MLLT3: variants seen among roughly 807,000 people sequenced by gnomAD.
MLLT3 encodes the protein protein AF-9.
A neutral mutation model predicts 53.2 loss-of-function variants in MLLT3; 4 were observed. The observed-to-expected ratio is 0.08, with a 90% CI of 0.04 to 0.17. The LOEUF (loss-of-function observed/expected upper bound fraction) is 0.17, where lower values mean the gene tolerates loss of function less well. MLLT3 is among the 10% of genes least tolerant of loss of function. The pLI is 1.00. For missense variants in MLLT3, 569 were observed against 684.0 expected, an observed-to-expected ratio of 0.83 and a Z score of 1.87; for synonymous variants, 283 against 230.6, an observed-to-expected ratio of 1.23 and a Z score of -2.06.
chr9:20,444,420 C>T (rs1010864767), intron 4 of MLLT3, among the ~76,000 whole-genome samples: 3 of 152,092 alleles, frequency 2.0e-5, no homozygotes, highest in African/African-American at 7.2e-5. Flanking sequence ...TGCTCTCTTC[C>T]CTCTACCAAT....
intron 2 of MLLT3, among the ~76,000 whole-genome samples, chr9:20,461,287 A>G (rs1401013167): frequency 6.6e-6 from 1 of 152,232 alleles, no homozygotes; most frequent in Non-Finnish European, 1.5e-5. Flanking sequence ...AATATGTAGT[A>G]TGATGCTAAC....
chr9:20,516,557 A>C (rs529982086), intron 2 of MLLT3, among the ~76,000 whole-genome samples: 1 of 152,350 alleles, frequency 6.6e-6, no homozygotes, highest in Admixed American at 6.5e-5. Context: ...TAATACTATA[A>C]AGTTTATTTG....
At chr9:20,540,263 C>G (rs1226801090) in intron 2 of MLLT3, among the ~76,000 whole-genome samples, 1 of 152,224 alleles carries the variant, frequency 6.6e-6, no homozygotes, top group East Asian at 1.9e-4. Flanking sequence ...TGGCCCTCTT[C>G]TCACAGCTCC....
chr9:20,456,798 A>C lies in MLLT3; in HGVS notation c.194-12T>G. On this transcript the variant is annotated splice_polypyrimidine_tract_variant and intron_variant, in intron 2 of 10. Coordinates refer to ENST00000380338, the MANE Select transcript of MLLT3 (RefSeq NM_004529.4). ...TGGATCTTTGCACACTGCAACATTA[A>C]AAAAGAAAATAGGTAAGATGAGAAT... 1 of 1,547,688 alleles carries C rather than the reference A, an allele frequency of 6.5e-7. No homozygotes were observed. Among genetic ancestry groups the C allele is most frequent in the Non-Finnish European group, 8.7e-7 (1 of 1,144,598 alleles).
intron 2 of MLLT3, among the ~76,000 whole-genome samples, chr9:20,594,842 CT>C (rs1820215682): frequency 6.6e-6 from 1 of 152,158 alleles, no homozygotes; most frequent in South Asian, 2.1e-4. Flanking sequence ...GGAAGTTCCC[CT>C]GTATGGTCCA....
chr9:20,473,670 G>A (rs1824451693), intron 2 of MLLT3, among the ~76,000 whole-genome samples: 1 of 151,798 alleles, frequency 6.6e-6, no homozygotes, highest in Admixed American at 6.6e-5. Flanking sequence ...TTTCCCATAA[G>A]AACTGTCAAG....
intron 2 of MLLT3, among the ~76,000 whole-genome samples, chr9:20,483,874 AT>A (rs11406341): frequency 5.4e-5 from 8 of 147,540 alleles, no homozygotes; most frequent in Non-Finnish European, 1.0e-4. Flanking sequence ...CGCAAGTCTA[AT>A]TTTTTTTTTG....
At chr9:20,500,055 T>A (rs570833588) in intron 2 of MLLT3, among the ~76,000 whole-genome samples, 6 of 152,342 alleles carry the variant, frequency 3.9e-5, no homozygotes, top group African/African-American at 1.2e-4. Flanking sequence ...TATCTATTGA[T>A]ACATAATAAG....
intron 5 of MLLT3, among the ~76,000 whole-genome samples, chr9:20,377,649 C>A (rs1821801843): frequency 6.6e-6 from 1 of 152,104 alleles, no homozygotes; most frequent in South Asian, 2.1e-4. Flanking sequence ...ATAATCTTTA[C>A]AGATTTACAC....
At chr9:20,510,204 G>T (rs759928987) in intron 2 of MLLT3, among the ~76,000 whole-genome samples, 6 of 152,132 alleles carry the variant, frequency 3.9e-5, no homozygotes, top group Non-Finnish European at 8.8e-5. Context: ...AACTTGATAA[G>T]CAAAAAGAAT....
At chr9:20,576,508 C>T (rs547088220) in intron 2 of MLLT3, among the ~76,000 whole-genome samples, 2 of 152,118 alleles carry the variant, frequency 1.3e-5, no homozygotes, top group South Asian at 4.2e-4. Flanking sequence ...GTGTAATTGG[C>T]TTAATTTCAA....
intron 5 of MLLT3, among the ~76,000 whole-genome samples, chr9:20,379,028 C>T (rs946220962): frequency 6.6e-6 from 1 of 152,056 alleles, no homozygotes; most frequent in Non-Finnish European, 1.5e-5. Flanking sequence ...CTAACAGTTG[C>T]TTTTCTTCAT....
intron 2 of MLLT3, among the ~76,000 whole-genome samples, chr9:20,501,757 C>CAAAAAAA (rs936828819): frequency 3.2e-4 from 6 of 18,596 alleles, no homozygotes; most frequent in African/African-American, 1.2e-3. Flanking sequence ...GACTCCGTCT[C>CAAAAAAA]AAAAAAAAAA....
At chr9:20,468,986 G>GA (rs1341665185) in intron 2 of MLLT3, among the ~76,000 whole-genome samples, 1 of 152,060 alleles carries the variant, frequency 6.6e-6, no homozygotes, top group Non-Finnish European at 1.5e-5. Flanking sequence ...TTCTTAAAGA[G>GA]AGAACAACTA....
intron 4 of MLLT3, among the ~76,000 whole-genome samples, chr9:20,415,747 AC>A (rs1367798892): frequency 1.3e-5 from 2 of 152,058 alleles, no homozygotes; most frequent in African/African-American, 4.8e-5. Flanking sequence ...TGAACAATCT[AC>A]TTATTGGGTA....
rs72701941 is a variant in MLLT3 at position 20,600,145 on chromosome 9, C to A, written c.193+20509G>T. Among the ~76,000 whole-genome samples, 18 of 145,614 alleles carry A rather than the reference C, an allele frequency of 1.2e-4. No homozygotes were observed. In the East Asian group the frequency reaches 1.4e-3, roughly 11 times the overall value. On this transcript the variant is annotated intron_variant, in intron 2 of 10. Coordinates refer to ENST00000380338, the MANE Select transcript of MLLT3 (RefSeq NM_004529.4). ...TTGTCCAAAAAAAAAAAACAAAAAACAAAAAAAAAACACTTAGTTCAAATT... is the reference window on the plus strand; with the variant it reads ...TTGTCCAAAAAAAAAAAACAAAAAAAAAAAAAAAAACACTTAGTTCAAATT...
intron 5 of MLLT3, among the ~76,000 whole-genome samples, chr9:20,365,968 T>C (rs536325446): frequency 6.6e-6 from 1 of 152,162 alleles, no homozygotes; most frequent in Non-Finnish European, 1.5e-5. Context: ...AACACTTGGG[T>C]GTTACATGAG....
chr9:20,354,025 A>C (rs1173059404), intron 9 of MLLT3, among the ~76,000 whole-genome samples: 1 of 152,232 alleles, frequency 6.6e-6, no homozygotes, highest in Non-Finnish European at 1.5e-5. Flanking sequence ...CATGGAAACA[A>C]GAATGTACAT....
intron 2 of MLLT3, among the ~76,000 whole-genome samples, chr9:20,552,654 A>AC (rs1164372627): frequency 2.0e-5 from 3 of 152,090 alleles, no homozygotes; most frequent in Non-Finnish European, 4.4e-5. Context: ...ATTTTTAAGG[A>AC]CCCAAAATAA....
Sources: allele counts gnomAD v4.1 joint callset (sites outside exome capture counted in the v4.1 genomes callset), GRCh38; gene constraint gnomAD v4.1.1; transcripts MANE v1.5; gene names NCBI Gene and HGNC (gene_info 2026-07-23, HGNC 2026-07-21).